The following CTNNA3 variants were observed in gnomAD, a reference collection of about 807,000 sequenced individuals.
CTNNA3 encodes the protein catenin alpha-3.
A neutral mutation model predicts 95.7 loss-of-function variants in CTNNA3; 76 were observed. The ratio of observed to expected loss-of-function variants is 0.79; its 90% CI spans 0.66 to 0.96. The LOEUF is 0.96. CTNNA3 is among the 40% of genes least tolerant of loss of function. The pLI, the probability that CTNNA3 is intolerant of heterozygous loss-of-function variation, is 0.00. For synonymous variants in CTNNA3, 431 were observed against 374.4 expected (o/e 1.15, Z -1.74); for missense variants, 1,191 against 1,089.8 (o/e 1.09, Z -1.31).
chr10:67,534,056 A>AG (rs1439161516), intron 4 of CTNNA3, among the ~76,000 whole-genome samples: 1 of 151,586 alleles, frequency 6.6e-6, no homozygotes, highest in Non-Finnish European at 1.5e-5. Flanking sequence ...AAGTGTCAGG[A>AG]GGGAAAAAAA....
intron 10 of CTNNA3, among the ~76,000 whole-genome samples, chr10:66,572,604 T>G (rs1463932993): frequency 6.6e-6 from 1 of 151,342 alleles, no homozygotes; most frequent in Non-Finnish European, 1.5e-5. Flanking sequence ...CAAAATAACC[T>G]AGATGAGTGA....
chr10:67,709,467 T>C (rs1219710299), intron 1 of CTNNA3, among the ~76,000 whole-genome samples: 1 of 152,174 alleles, frequency 6.6e-6, no homozygotes, highest in East Asian at 1.9e-4. Flanking sequence ...TAAGTTTCTT[T>C]GGACTGACAA....
chr10:67,718,687 T>C (rs568757942), intron 1 of CTNNA3, among the ~76,000 whole-genome samples: 1 of 152,328 alleles, frequency 6.6e-6, no homozygotes, highest in Admixed American at 6.5e-5. Flanking sequence ...AGCTTTTTGA[T>C]GTGCTGCTGG....
intron 15 of CTNNA3, among the ~76,000 whole-genome samples, chr10:66,041,723 C>CT (rs67577090): frequency 0.097 from 14,734 of 151,314 alleles, 1,101 homozygotes; most frequent in African/African-American, 0.2. Flanking sequence ...GCATTTGTTC[C>CT]TTTTTTTTTC....
Position 66,268,100 on chromosome 10 carries a change from G to A in CTNNA3, c.1884+12370C>T, listed in dbSNP as rs538977420. Among the ~76,000 whole-genome samples, 12 of 151,888 alleles carry A rather than the reference G, an allele frequency of 7.9e-5. No homozygotes were observed. The South Asian group carries it at 1.2e-3, about 16-fold the overall frequency. ...TGTTGAAAATGATGATGATGATGAT[G>A]ATAATAATGATGATGATGACTATGA... On this transcript the variant is annotated intron_variant, in intron 13 of 17. Coordinates refer to ENST00000433211, the MANE Select transcript of CTNNA3 (RefSeq NM_013266.4).
intron 13 of CTNNA3, among the ~76,000 whole-genome samples, chr10:66,247,605 G>T (rs1024547485): frequency 6.6e-6 from 1 of 152,084 alleles, no homozygotes; most frequent in Non-Finnish European, 1.5e-5. Flanking sequence ...CAAGAGAAAA[G>T]AAATAAATAA....
chr10:66,635,415 G>A (rs1845300201), intron 9 of CTNNA3, among the ~76,000 whole-genome samples: 1 of 152,032 alleles, frequency 6.6e-6, no homozygotes, highest in Non-Finnish European at 1.5e-5. Flanking sequence ...GCTATAATTA[G>A]CTTTCATTAT....
chr10:67,496,333 G>A (rs1432581031), intron 5 of CTNNA3, among the ~76,000 whole-genome samples: 3 of 152,220 alleles, frequency 2.0e-5, no homozygotes, highest in African/African-American at 2.4e-5. Flanking sequence ...ACGGTTAGGA[G>A]AAAGATAGGT....
At chr10:66,658,475 G>A (rs1846144987) in intron 9 of CTNNA3, among the ~76,000 whole-genome samples, 1 of 152,180 alleles carries the variant, frequency 6.6e-6, no homozygotes, top group Non-Finnish European at 1.5e-5. Context: ...GAACAACTCA[G>A]TGGGGGAATT....
intron 9 of CTNNA3, among the ~76,000 whole-genome samples, chr10:66,686,772 A>G (rs1329087964): frequency 6.6e-6 from 1 of 152,202 alleles, no homozygotes; most frequent in East Asian, 1.9e-4. Context: ...CAGAGCTGAG[A>G]GAGAGAAACC....
intron 5 of CTNNA3, among the ~76,000 whole-genome samples, chr10:67,443,855 A>G (rs908383034): frequency 2.0e-5 from 3 of 151,992 alleles, no homozygotes; most frequent in East Asian, 1.9e-4. Flanking sequence ...GGTGTTTCAG[A>G]CATGAAGTCT....
intron 11 of CTNNA3, among the ~76,000 whole-genome samples, chr10:66,468,068 T>C (rs959450321): frequency 7.9e-5 from 12 of 152,154 alleles, no homozygotes; most frequent in African/African-American, 2.9e-4. Flanking sequence ...ATAACTATTA[T>C]ACTATAATAG....
chr10:66,781,156 C>T (rs76762978), intron 7 of CTNNA3, among the ~76,000 whole-genome samples: 6 of 152,218 alleles, frequency 3.9e-5, no homozygotes, highest in Non-Finnish European at 7.4e-5. Context: ...AAATGAAAAT[C>T]AGTGCAGAGG....
chr10:66,592,372 G>T (rs544085431), intron 10 of CTNNA3, among the ~76,000 whole-genome samples: 1 of 152,186 alleles, frequency 6.6e-6, no homozygotes, highest in Non-Finnish European at 1.5e-5. Flanking sequence ...AGCAAGTTCA[G>T]AATCTCCTTC....
At chr10:66,210,226 A>G (rs2088051638) in intron 13 of CTNNA3, among the ~76,000 whole-genome samples, 1 of 151,686 alleles carries the variant, frequency 6.6e-6, no homozygotes, top group Admixed American at 6.6e-5. Context: ...GAAATGGCTT[A>G]GGTATGCCAA....
rs565406890 is a variant in CTNNA3, at chr10:67,648,701, C to A, written c.-5-1183G>T. ...CTGTTATTGGCATATGATACATCAA[C>A]ATATAAAGTCAAAGCCCTACAATTT... On this transcript the variant is annotated intron_variant, in intron 1 of 17. Coordinates refer to ENST00000433211, the MANE Select transcript of CTNNA3 (RefSeq NM_013266.4). 327 of 1,275,172 alleles carry A rather than the reference C, an allele frequency of 2.6e-4. 4 individuals carry two copies. The South Asian group carries it at 3.8e-3, about 15-fold the overall frequency. The allele number at this position is 1,275,172 out of a possible 1,614,324, so 79.0% of individuals were successfully genotyped here. A position where few individuals can be genotyped will look rare whatever the true frequency, so the allele number is the denominator to read the frequency against.
At chr10:67,540,411 A>T (rs1840642709) in intron 3 of CTNNA3, among the ~76,000 whole-genome samples, 1 of 151,996 alleles carries the variant, frequency 6.6e-6, no homozygotes, top group Non-Finnish European at 1.5e-5. Context: ...TTATAAAAGT[A>T]CTATAATACG....
chr10:66,102,232 T>C (rs1277827654), intron 14 of CTNNA3, among the ~76,000 whole-genome samples: 1 of 152,162 alleles, frequency 6.6e-6, no homozygotes, highest in Admixed American at 6.5e-5. Context: ...ATAATATTAA[T>C]AATGATGATC....
chr10:66,290,701 G>A (rs10740229), intron 12 of CTNNA3, among the ~76,000 whole-genome samples: 67,218 of 151,858 alleles, frequency 0.44, 15,616 homozygotes, highest in African/African-American at 0.59. Context: ...TACCTGATAT[G>A]ACATACAGAA....
Sources: gnomAD v4.1 joint callset for allele counts (sites outside exome capture counted in the v4.1 genomes callset) on GRCh38, gnomAD v4.1.1 for gene constraint, MANE v1.5 for transcripts, NCBI Gene and HGNC (gene_info 2026-07-23, HGNC 2026-07-21) for gene names.